The following KLF18 variants were observed in gnomAD, a reference collection of about 807,000 sequenced individuals.
The protein encoded by KLF18 is KLF transcription factor 18.
rs1163108163 is a variant in KLF18, at chr1:44,141,606, A to G, written c.26T>C (p.Ile9Thr). 1.3e-5 allele frequency: 5 copies of G among 398,468 alleles called. No individual in the cohort carries two copies. Among genetic ancestry groups the G allele is most frequent in the Non-Finnish European group, 2.2e-5 (5 of 226,110 alleles). 24.7% of individuals were successfully genotyped at this position (398,468 alleles called of 1,614,324 possible). A position where few individuals can be genotyped will look rare whatever the true frequency, so the allele number is the denominator to read the frequency against. Reference protein sequence around the residue: MDSSLLQAIEEIEKFFQHL... With the variant: MDSSLLQATEEIEKFFQHL... Reference sequence around the variant, plus strand: ...CTGGAAAAATTTCTCAATTTCCTCAATTGCCTGGAGAAGACTGGAATCCAT... The same window carrying G: ...CTGGAAAAATTTCTCAATTTCCTCAGTTGCCTGGAGAAGACTGGAATCCAT... The change falls in exon 1 of 2, where the codon ATT (isoleucine) becomes ACT (threonine). Residue 9 changes from isoleucine (I) to threonine (T), a missense_variant. Ile to Thr is a moderately conservative substitution (Grantham distance 89, BLOSUM62 -1). Coordinates refer to ENST00000634670, the MANE Select transcript of KLF18 (RefSeq NM_001358438.1).
At position 44,140,987 on chromosome 1, in the gene KLF18, G is replaced by A. The variant is rs1206224157; in HGVS notation, c.645C>T (p.Thr215=). 2.5e-6 allele frequency: 1 copy of A among 398,562 alleles called. No individual in the cohort carries two copies. Among genetic ancestry groups the A allele is most frequent in the Non-Finnish European group, 4.4e-6 (1 of 226,192 alleles). The allele number at this position is 398,562 out of a possible 1,614,324, so 24.7% of individuals were successfully genotyped here. Residue 215 remains threonine (T), a synonymous_variant, in exon 1 of 2, where the codon ACC becomes ACT. Coordinates refer to ENST00000634670, the MANE Select transcript of KLF18 (RefSeq NM_001358438.1). ...DETLSGGQMT[T]SLDLYGGQMM... ...TTTGCCCTCCATAGAGGTCTAGACTGGTTGTCATTTGGCCCCCAGAGAGGG... is the reference window on the plus strand; with the variant it reads ...TTTGCCCTCCATAGAGGTCTAGACTAGTTGTCATTTGGCCCCCAGAGAGGG...
At chr1:44,138,543 C>T (rs536383856) in intron 1 of KLF18, 121 bp downstream of exon 1, 3 of 396,442 alleles carry the variant, frequency 7.6e-6, no homozygotes, top group Non-Finnish European at 1.3e-5. Flanking sequence ...AGGTGCCAAC[C>T]TTTTCTATTA....
chr1:44,139,747 G>A lies in KLF18; in HGVS notation c.1885C>T (p.Gln629Ter). ...TGGTTACTAGCAGAGGTTGTCATCT[G>A]CCCCCCGTAGAGGGCCTGGTTACCA... ...STGNQALYGG[Q>*]MTTSASNQTL... The change falls in exon 1 of 2, where the codon CAG becomes TAG. Residue 629 changes from glutamine (Q) to a stop codon, truncating the protein, a stop_gained. Transcript: ENST00000634670. LOFTEE classifies it high-confidence loss of function. The A allele has an allele frequency of 2.5e-6, 1 of 394,496 alleles. No individual in the cohort carries two copies. The highest frequency in any genetic ancestry group is 3.6e-5 in the East Asian group (1 of 27,888). The allele number at this position is 394,496 out of a possible 1,614,324, so 24.4% of individuals were successfully genotyped here.
In KLF18 at chr1:44,141,493, C is replaced by T; in HGVS notation, c.139G>A (p.Glu47Lys). ...CTCTGGGTTGACTCATGTTGGCTCT[C>T]CTCAGCATGGGCAGTCAGAGGCATA... is the stretch of plus-strand genomic sequence containing the variant. ...NCMPLTAHAE[E>K]SQHESTQSKT... Residue 47 changes from glutamate (E) to lysine (K), a missense_variant, in exon 1 of 2, where the codon GAG (glutamate) becomes AAG (lysine). Coordinates refer to ENST00000634670, the MANE Select transcript of KLF18 (RefSeq NM_001358438.1). The T allele has an allele frequency of 5.0e-6, 2 of 398,640 alleles. No homozygotes were observed. Among genetic ancestry groups the T allele is most frequent in the Non-Finnish European group, 8.8e-6 (2 of 226,150 alleles). 24.7% of individuals were successfully genotyped at this position (398,640 alleles called of 1,614,324 possible).
rs1643191161 is a variant in KLF18 at position 44,138,690 on chromosome 1, A to T, written c.2942T>A (p.Leu981His). Reference protein sequence around the residue: ...CKMSYSKACHLRTHMRKHTGE... With the variant: ...CKMSYSKACHHRTHMRKHTGE... ...GGTGTGCTTGCGCATGTGGGTTCGG[A>T]GGTGGCAAGCCTTTGAATAAGACAT... is the stretch of plus-strand genomic sequence containing the variant. The change falls in exon 1 of 2, where the codon CTC (leucine) becomes CAC (histidine). Residue 981 changes from leucine (L) to histidine (H), a missense_variant. Physicochemically the swap from Leu to His is moderately conservative, Grantham distance 99. Coordinates refer to ENST00000634670, the MANE Select transcript of KLF18 (RefSeq NM_001358438.1). The T allele has an allele frequency of 2.5e-6, 1 of 398,416 alleles. No individual in the cohort carries two copies. Among genetic ancestry groups the T allele is most frequent in the Admixed American group, 4.4e-5 (1 of 22,706 alleles). The allele number at this position is 398,416 out of a possible 1,614,324, so 24.7% of individuals were successfully genotyped here.
intron 1 of KLF18, 28 bp downstream of exon 1, chr1:44,138,636 T>C (rs1469711582): frequency 2.8e-5 from 11 of 397,314 alleles, no homozygotes; most frequent in Non-Finnish European, 4.4e-5. Context: ...CACTTGCCCC[T>C]CACCCCTGTT....
In KLF18 at chr1:44,140,197, A is replaced by G. The variant is rs563661570; in HGVS notation, c.1435T>C (p.Ser479Pro). 3.9e-3 allele frequency: 1,489 copies of G among 386,356 alleles called. 13 individuals are homozygous for G. The highest frequency in any genetic ancestry group is 0.028 in the African/African-American group (1,321 of 46,600). 23.9% of individuals were successfully genotyped at this position (386,356 alleles called of 1,614,324 possible). ...QTLCGEQVTTSTGNQALYGGQ... is the reference protein window; with the variant it reads ...QTLCGEQVTTPTGNQALYGGQ... ...CCGTAGAGGGCCTGGTTACCAGTGGAGGTCGTCACCTGCTCCCCACAGAGG... is the reference window on the plus strand; with the variant it reads ...CCGTAGAGGGCCTGGTTACCAGTGGGGGTCGTCACCTGCTCCCCACAGAGG... The change falls in exon 1 of 2, where the codon TCC (serine) becomes CCC (proline). Residue 479 changes from serine to proline, a missense_variant. Physicochemically the swap from Ser to Pro is moderately conservative, Grantham distance 74. Transcript: ENST00000634670.
At chr1:44,138,359 G>A (rs193028773) in intron 1 of KLF18, among the ~76,000 whole-genome samples, 108 of 152,294 alleles carry the variant, frequency 7.1e-4, no homozygotes, top group Non-Finnish European at 1.1e-3. Context: ...AGTAGAAATA[G>A]CATCAAGAAC....
Position 44,140,811 on chromosome 1 carries a change from G to T in KLF18, c.821C>A (p.Ala274Asp), listed in dbSNP as rs1213952260. Reference sequence around the variant, plus strand: ...GGTCGTCATCTGCCCCCCATAGAGGGCCTGGTTACCAGTGGAGGTTGTCAT... The same window carrying T: ...GGTCGTCATCTGCCCCCCATAGAGGTCCTGGTTACCAGTGGAGGTTGTCAT... The part of the protein sequence containing the change: ...EQMTTSTGNQ[A>D]LYGGQMTTSA... The change falls in exon 1 of 2, where the codon GCC (alanine) becomes GAC (aspartate). Residue 274 changes from alanine to aspartate, a missense_variant. Physicochemically the swap from Ala to Asp is moderately radical, Grantham distance 126. Coordinates refer to ENST00000634670, the MANE Select transcript of KLF18 (RefSeq NM_001358438.1). 2 of 397,140 alleles carry T rather than the reference G, an allele frequency of 5.0e-6. No homozygotes were observed. Among genetic ancestry groups the T allele is most frequent in the Admixed American group, 4.4e-5 (1 of 22,614 alleles). 24.6% of individuals were successfully genotyped at this position (397,140 alleles called of 1,614,324 possible).
chr1:44,141,460 T>A lies in KLF18; in HGVS notation c.172A>T (p.Met58Leu). The stretch of plus-strand genomic sequence containing the variant: ...ATCATTGTGGACCCCAAGGGAGGCA[T>A]CGTCTTGCTCTGGGTTGACTCATGT... Reference protein sequence around the residue: ...SQHESTQSKTMPPLGSTMMTS... With the variant: ...SQHESTQSKTLPPLGSTMMTS... The change falls in exon 1 of 2, where the codon ATG (methionine) becomes TTG (leucine). Residue 58 changes from methionine (M) to leucine (L), a missense_variant. By Grantham distance (15) the Met-to-Leu change is conservative (BLOSUM62 2). Transcript: ENST00000634670. 1 of 398,638 alleles carries A rather than the reference T, an allele frequency of 2.5e-6. No individual in the cohort carries two copies. The highest frequency in any genetic ancestry group is 4.4e-6 in the Non-Finnish European group (1 of 226,158). The allele number at this position is 398,638 out of a possible 1,614,324, so 24.7% of individuals were successfully genotyped here. A position where few individuals can be genotyped will look rare whatever the true frequency, so the allele number is the denominator to read the frequency against.
At position 44,139,262 on chromosome 1, in the gene KLF18, G is replaced by C. The variant is rs1455253114; in HGVS notation, c.2370C>G (p.Asn790Lys). The C allele has an allele frequency of 1.0e-5, 4 of 389,638 alleles. No individual in the cohort carries two copies. The highest frequency in any genetic ancestry group is 4.3e-5 in the African/African-American group (2 of 46,916). 24.1% of individuals were successfully genotyped at this position (389,638 alleles called of 1,614,324 possible). The change falls in exon 1 of 2, where the codon AAC becomes AAG. Residue 790 changes from asparagine (N) to lysine (K), a missense_variant. Asn to Lys is a moderately conservative substitution (Grantham distance 94, BLOSUM62 0). Coordinates refer to ENST00000634670, the MANE Select transcript of KLF18 (RefSeq NM_001358438.1). Reference sequence around the variant, plus strand: ...TCACCTGCTCCCCACAGAGGGTCTGGTTACTAGTGGGGGTCGTCATCTGCT... The same window carrying C: ...TCACCTGCTCCCCACAGAGGGTCTGCTTACTAGTGGGGGTCGTCATCTGCT... ...CGEQMTTPTSNQTLCGEQVTT... is the reference protein window; with the variant it reads ...CGEQMTTPTSKQTLCGEQVTT...
Position 44,138,022 on chromosome 1 carries a change from CAG to C in KLF18, c.2969-13_2969-12del, listed in dbSNP as rs142599049. On this transcript the variant is annotated splice_polypyrimidine_tract_variant and intron_variant, in intron 1 of 1. Coordinates refer to ENST00000634670, the MANE Select transcript of KLF18 (RefSeq NM_001358438.1). ...CATAGGGCTTCTCCCCTGGACCAGA[CAG>C]AGAGAGAGAGACCTGTCATACATCA... 13 of 395,992 alleles carry C rather than the reference CAG, an allele frequency of 3.3e-5. No homozygotes were observed. The South Asian group carries it at 3.8e-4, about 12-fold the overall frequency. The allele number at this position is 395,992 out of a possible 1,614,324, so 24.5% of individuals were successfully genotyped here. A position where few individuals can be genotyped will look rare whatever the true frequency, so the allele number is the denominator to read the frequency against.
chr1:44,140,396 G>A lies in KLF18; in HGVS notation c.1236C>T (p.Asn412=). Residue 412 remains asparagine (N), a synonymous_variant, in exon 1 of 2, where the codon AAC becomes AAT. Coordinates refer to ENST00000634670, the MANE Select transcript of KLF18 (RefSeq NM_001358438.1). ...TCACTTGCTCTCCACAGAGGTTCTG[G>A]TTACCAGTGGAGGTCATCATCTGCC... The part of the protein sequence containing the change: ...YWGQMMTSTG[N]QNLCGEQVMT... 1 of 175,558 alleles carries A rather than the reference G, an allele frequency of 5.7e-6. No individual in the cohort carries two copies. Among genetic ancestry groups the A allele is most frequent in the Non-Finnish European group, 9.0e-6 (1 of 110,898 alleles). 10.9% of individuals were successfully genotyped at this position (175,558 alleles called of 1,614,324 possible). A position where few individuals can be genotyped will look rare whatever the true frequency, so the allele number is the denominator to read the frequency against.
chr1:44,140,931 C>G lies in KLF18; in HGVS notation c.701G>C (p.Cys234Ser). 2.5e-6 allele frequency: 1 copy of G among 398,790 alleles called. No homozygotes were observed. Among genetic ancestry groups the G allele is most frequent in the Admixed American group, 4.4e-5 (1 of 22,730 alleles). 24.7% of individuals were successfully genotyped at this position (398,790 alleles called of 1,614,324 possible). ...MMTSIDNQTL[C>S]GEQMTTSSGN... ...ACTGGAGGTCGTCATCTGCTCCCCA[C>G]AGAGGGTCTGGTTATCAATGGAAGT... Residue 234 changes from cysteine to serine, a missense_variant, in exon 1 of 2, where the codon TGT becomes TCT. Physicochemically the swap from Cys to Ser is moderately radical, Grantham distance 112 (BLOSUM62 -1). Transcript: ENST00000634670.
chr1:44,140,289 ACTTGC>A lies in KLF18; in HGVS notation c.1338_1342del (p.Glu446AspfsTer6). On this transcript the variant is annotated frameshift_variant, in exon 1 of 2. Transcript: ENST00000634670. LOFTEE classifies it high-confidence loss of function. ...GGTCTGGTTACTAGTGGAGGTCATC[ACTTGC>A]TCTCCACAGAGGTTCTGGTTACCAG... The A allele has an allele frequency of 3.2e-6, 1 of 312,660 alleles. No homozygotes were observed. The highest frequency in any genetic ancestry group is 5.5e-5 in the Admixed American group (1 of 18,316). The allele number at this position is 312,660 out of a possible 1,614,324, so 19.4% of individuals were successfully genotyped here.
In KLF18 at chr1:44,140,321, G is replaced by GGAGGTCATCATCTGCCCCCAGTA; in HGVS notation, c.1310_1311insTACTGGGGGCAGATGATGACCTC (p.Asn440GlyfsTer3). On this transcript the variant is annotated stop_gained and frameshift_variant, in exon 1 of 2. Transcript: ENST00000634670. LOFTEE classifies it high-confidence loss of function. ...CTCCACAGAGGTTCTGGTTACCAGT[G>GGAGGTCATCATCTGCCCCCAGTA]GAGGTCGTCATCTGCCCTCCACAGA... 1 of 278,514 alleles carries GGAGGTCATCATCTGCCCCCAGTA rather than the reference G, an allele frequency of 3.6e-6. No homozygotes were observed. Among genetic ancestry groups the GGAGGTCATCATCTGCCCCCAGTA allele is most frequent in the Non-Finnish European group, 6.0e-6 (1 of 165,492 alleles). 17.3% of individuals were successfully genotyped at this position (278,514 alleles called of 1,614,324 possible). A position where few individuals can be genotyped will look rare whatever the true frequency, so the allele number is the denominator to read the frequency against.
Position 44,138,746 on chromosome 1 carries a change from C to G in KLF18, c.2886G>C (p.Arg962Ser), listed in dbSNP as rs558560418. Residue 962 changes from arginine (R) to serine (S), a missense_variant, in exon 1 of 2, where the codon AGG (arginine) becomes AGC (serine). Arg to Ser is a moderately radical substitution (Grantham distance 110, BLOSUM62 -1). Transcript: ENST00000634670. Reference sequence around the variant, plus strand: ...AGTCCTCGTAAGTGCAGACATAGGGCCTTGAAACCTCAGGATTCTTCCAGA... The same window carrying G: ...AGTCCTCGTAAGTGCAGACATAGGGGCTTGAAACCTCAGGATTCTTCCAGA... Reference protein sequence around the residue: ...CQFWKNPEVSRPYVCTYEDCK... With the variant: ...CQFWKNPEVSSPYVCTYEDCK... The G allele has an allele frequency of 9.5e-5, 38 of 398,600 alleles. 1 individual carries two copies. In the South Asian group the frequency reaches 4.3e-3, roughly 45 times the overall value. 24.7% of individuals were successfully genotyped at this position (398,600 alleles called of 1,614,324 possible). A position where few individuals can be genotyped will look rare whatever the true frequency, so the allele number is the denominator to read the frequency against.
rs1277854045 is a variant in KLF18, at chr1:44,140,308, T to A, written c.1324A>T (p.Asn442Tyr). ...GTCATCACTTGCTCTCCACAGAGGT[T>A]CTGGTTACCAGTGGAGGTCGTCATC... Reference protein sequence around the residue: ...GQMTTSTGNQNLCGEQVMTST... With the variant: ...GQMTTSTGNQYLCGEQVMTST... Residue 442 changes from asparagine (N) to tyrosine (Y), a missense_variant, in exon 1 of 2, where the codon AAC (asparagine) becomes TAC (tyrosine). Physicochemically the swap from Asn to Tyr is moderately radical, Grantham distance 143 (BLOSUM62 -2). Coordinates refer to ENST00000634670, the MANE Select transcript of KLF18 (RefSeq NM_001358438.1). 1.0e-5 allele frequency: 3 copies of A among 294,282 alleles called. No individual in the cohort carries two copies. The highest frequency in any genetic ancestry group is 9.4e-5 in the African/African-American group (3 of 31,878). The allele number at this position is 294,282 out of a possible 1,614,324, so 18.2% of individuals were successfully genotyped here.
In KLF18 at chr1:44,141,456, G is replaced by A. The variant is rs61745996; in HGVS notation, c.176C>T (p.Pro59Leu). ...QHESTQSKTM[P>L]PLGSTMMTSA... ...AGTCATCATTGTGGACCCCAAGGGA[G>A]GCATCGTCTTGCTCTGGGTTGACTC... The change falls in exon 1 of 2, where the codon CCT becomes CTT. Residue 59 changes from proline to leucine, a missense_variant. Pro to Leu is a moderately conservative substitution (Grantham distance 98). Transcript: ENST00000634670. 1 of 398,512 alleles carries A rather than the reference G, an allele frequency of 2.5e-6. No individual in the cohort carries two copies. Among genetic ancestry groups the A allele is most frequent in the African/African-American group, 2.1e-5 (1 of 48,580 alleles). 24.7% of individuals were successfully genotyped at this position (398,512 alleles called of 1,614,324 possible).
Sources: allele counts gnomAD v4.1 joint callset (sites outside exome capture counted in the v4.1 genomes callset), GRCh38; gene constraint gnomAD v4.1.1; transcripts MANE v1.5; gene names NCBI Gene and HGNC (gene_info 2026-07-23, HGNC 2026-07-21).